The following FGD6 variants were observed in gnomAD, a reference collection of about 807,000 sequenced individuals.
FGD6 encodes the protein FYVE, RhoGEF and PH domain containing 6, also known as FYVE, RhoGEF and PH domain-containing protein 6.
A neutral mutation model predicts 149.4 loss-of-function variants in FGD6; 90 were observed. The ratio of observed to expected loss-of-function variants is 0.60; its 90% CI spans 0.51 to 0.72. The LOEUF is 0.72. Among genes scored for constraint, FGD6 ranks in the 30% least tolerant of loss-of-function variants. FGD6 has a pLI of 0.00. For missense variants in FGD6, 1,437 were observed against 1,684.8 expected, an observed-to-expected ratio of 0.85 and a Z score of 2.57; for synonymous variants, 527 against 584.0, an observed-to-expected ratio of 0.90 and a Z score of 1.41.
intron 5 of FGD6, among the ~76,000 whole-genome samples, chr12:95,151,242 A>G (rs1880300892): frequency 6.6e-6 from 1 of 152,026 alleles, no homozygotes; most frequent in Admixed American, 6.6e-5. Context: ...AAAGCTACAG[A>G]TTTTTCACAT....
intron 8 of FGD6, among the ~76,000 whole-genome samples, chr12:95,129,500 A>T (rs1366824867): frequency 6.6e-6 from 1 of 152,218 alleles, no homozygotes; most frequent in Non-Finnish European, 1.5e-5. Context: ...GGGATAGGAT[A>T]ATAAAGATGG....
chr12:95,207,235 C>T (rs978530292), intron 2 of FGD6, among the ~76,000 whole-genome samples: 1 of 152,116 alleles, frequency 6.6e-6, no homozygotes, highest in Non-Finnish European at 1.5e-5. Context: ...CTCCTTGCTG[C>T]CCCCATGTAA....
chr12:95,098,563 C>T (rs1878316698), intron 14 of FGD6, among the ~76,000 whole-genome samples: 1 of 152,166 alleles, frequency 6.6e-6, no homozygotes, highest in South Asian at 2.1e-4. Context: ...ATATGTCATG[C>T]CCCTTCTCAC....
intron 3 of FGD6, among the ~76,000 whole-genome samples, chr12:95,164,665 A>C (rs1880744722): frequency 6.6e-6 from 1 of 152,080 alleles, no homozygotes; most frequent in Non-Finnish European, 1.5e-5. Flanking sequence ...TTCTGACCTC[A>C]AGTGATCCAC....
chr12:95,115,416 T>G (rs922161690), intron 8 of FGD6, among the ~76,000 whole-genome samples: 1 of 150,250 alleles, frequency 6.7e-6, no homozygotes, highest in African/African-American at 2.4e-5. Context: ...TTTTTTTTTT[T>G]GCAGAGGCAG....
Position 95,107,005 on chromosome 12 carries a change from C to T in FGD6, c.3366G>A (p.Val1122=). 6.2e-7 allele frequency: 1 copy of T among 1,613,576 alleles called. No individual in the cohort carries two copies. Among genetic ancestry groups the T allele is most frequent in the South Asian group, 1.1e-5 (1 of 91,004 alleles). Residue 1122 remains valine (V), a synonymous_variant, in exon 13 of 21, where the codon GTG becomes GTA. Coordinates refer to ENST00000343958, the MANE Select transcript of FGD6 (RefSeq NM_018351.4). ...FNDALLYTTP[V]QSGMYKLNNM... ...TGTTCAGTTTATACATCCCAGACTG[C>T]ACTGGTGTTGTATACAGCAGGGCAT...
intron 1 of FGD6, among the ~76,000 whole-genome samples, chr12:95,215,551 A>G (rs1322882055): frequency 2.0e-5 from 3 of 152,262 alleles, no homozygotes; most frequent in Admixed American, 6.5e-5. Flanking sequence ...TGAGCAAAAA[A>G]GTAGTTGATG....
intron 3 of FGD6, among the ~76,000 whole-genome samples, chr12:95,164,880 A>C (rs1880760088): frequency 6.6e-6 from 1 of 152,208 alleles, no homozygotes; most frequent in African/African-American, 2.4e-5. Context: ...CATCATGATT[A>C]ATCTCTAAAC....
Position 95,126,511 on chromosome 12 carries a change from T to C in FGD6, c.3082+8228A>G, listed in dbSNP as rs183013875. On this transcript the variant is annotated intron_variant, in intron 8 of 20. Coordinates refer to ENST00000343958, the MANE Select transcript of FGD6 (RefSeq NM_018351.4). Reference sequence around the variant, plus strand: ...TGGGAGGCTGAGGCAGGTGGATCACTTGAGGTCAGGAGTTTGAGAACAGCC... The same window carrying C: ...TGGGAGGCTGAGGCAGGTGGATCACCTGAGGTCAGGAGTTTGAGAACAGCC... The C allele has an allele frequency of 7.6e-5, 38 of 497,430 alleles. No individual in the cohort carries two copies. The East Asian group carries it at 1.4e-3, about 19-fold the overall frequency. 30.8% of individuals were successfully genotyped at this position (497,430 alleles called of 1,614,324 possible). A position where few individuals can be genotyped will look rare whatever the true frequency, so the allele number is the denominator to read the frequency against.
chr12:95,201,341 G>T (rs1205434188), intron 2 of FGD6, among the ~76,000 whole-genome samples: 1 of 151,984 alleles, frequency 6.6e-6, no homozygotes, highest in Non-Finnish European at 1.5e-5. Context: ...CTTCTTGAAG[G>T]CACCATCATT....
chr12:95,104,975 A>G (rs1241836775), intron 14 of FGD6, 32 bp downstream of exon 14: 3 of 1,351,504 alleles, frequency 2.2e-6, no homozygotes, highest in Non-Finnish European at 2.9e-6. Flanking sequence ...GAATGAGAAA[A>G]AAAAAAAAAA....
At position 95,123,912 on chromosome 12, in the gene FGD6, C is replaced by A. The variant is rs555455372; in HGVS notation, c.3083-10211G>T. ...TTGTCTGAGACTGCTTTTCTTTCTTCCTTTTTTTTTTTCTTTTTTGGAGAC... is the reference window on the plus strand; with the variant it reads ...TTGTCTGAGACTGCTTTTCTTTCTTACTTTTTTTTTTTCTTTTTTGGAGAC... On this transcript the variant is annotated intron_variant, in intron 8 of 20. Transcript: ENST00000343958. Among the ~76,000 whole-genome samples, 7 of 150,492 alleles carry A rather than the reference C, an allele frequency of 4.7e-5. No individual in the cohort carries two copies. The East Asian group carries it at 1.2e-3, about 26-fold the overall frequency.
At position 95,210,108 on chromosome 12, in the gene FGD6, A is replaced by G. The variant is rs1176294160; in HGVS notation, c.1176T>C (p.Ser392=). 2 of 1,614,036 alleles carry G rather than the reference A, an allele frequency of 1.2e-6. No individual in the cohort carries two copies. The highest frequency in any genetic ancestry group is 8.5e-7 in the Non-Finnish European group (1 of 1,180,026). Residue 392 remains serine (S), a synonymous_variant, in exon 2 of 21, where the codon AGT becomes AGC. Coordinates refer to ENST00000343958, the MANE Select transcript of FGD6 (RefSeq NM_018351.4). ...GTGAATTGACTAAGTCCTGTGCATCACTGTTGGATTCCATATTCAATTCAC... is the reference window on the plus strand; with the variant it reads ...GTGAATTGACTAAGTCCTGTGCATCGCTGTTGGATTCCATATTCAATTCAC... ...NKSELNMESN[S]DAQDLVNSQK... is the part of the protein sequence containing the mutation.
rs187707995 is a variant in FGD6 at position 95,109,690 on chromosome 12, T to C, written c.3134-1129A>G. ...CCAGCCTCAGCAATAAGGTAAAACC[T>C]TGTTTCCACAAAAAATCCAAAAATT... On this transcript the variant is annotated intron_variant, in intron 9 of 20. Coordinates refer to ENST00000343958, the MANE Select transcript of FGD6 (RefSeq NM_018351.4). Among the ~76,000 whole-genome samples the C allele has an allele frequency of 2.0e-5, 3 of 152,214 alleles. No homozygotes were observed. The East Asian group carries it at 5.8e-4, about 30-fold the overall frequency.
intron 8 of FGD6, among the ~76,000 whole-genome samples, chr12:95,129,287 C>CCATGCATGCATG (rs1565903424): frequency 9.4e-6 from 1 of 106,184 alleles, no homozygotes; most frequent in Non-Finnish European, 2.1e-5. Context: ...ATCTATGCAT[C>CCATGCATGCATG]CATGCATCCA....
At chr12:95,173,503 C>T (rs149916610) in intron 2 of FGD6, among the ~76,000 whole-genome samples, 2 of 152,216 alleles carry the variant, frequency 1.3e-5, no homozygotes, top group East Asian at 1.9e-4. Context: ...TCCTTGCCAG[C>T]CTGATATCAT....
In FGD6 at chr12:95,107,531, C is replaced by T. The variant is rs762164257; in HGVS notation, c.3333+32G>A. On this transcript the variant is annotated intron_variant, in intron 12 of 20. Transcript: ENST00000343958. ...TTTCCTTAAGCAACTATCCCTACCT[C>T]GGCCACATCAGAACTACACAAGTCC... 27 of 1,609,792 alleles carry T rather than the reference C, an allele frequency of 1.7e-5. 1 individual carries two copies. The highest frequency in any genetic ancestry group is 3.3e-4 in the Middle Eastern group (2 of 6,074).
At chr12:95,158,271 G>A (rs567025455) in intron 3 of FGD6, among the ~76,000 whole-genome samples, 1 of 148,618 alleles carries the variant, frequency 6.7e-6, no homozygotes, top group Non-Finnish European at 1.5e-5. Context: ...GGGTTCAAGC[G>A]ATTCTCCTGC....
intron 15 of FGD6, 58 bp from the exon 16 acceptor site, chr12:95,092,903 G>A (rs919114406): frequency 3.0e-5 from 47 of 1,543,686 alleles, no homozygotes; most frequent in South Asian, 1.3e-4. Flanking sequence ...CTTTTTATTC[G>A]GCAGTGGCAT....
Sources: gnomAD v4.1 joint callset for allele counts (sites outside exome capture counted in the v4.1 genomes callset) on GRCh38, gnomAD v4.1.1 for gene constraint, MANE v1.5 for transcripts, NCBI Gene and HGNC (gene_info 2026-07-23, HGNC 2026-07-21) for gene names.